ASIC2: variants seen among roughly 807,000 people sequenced by gnomAD.
ASIC2 encodes the protein acid-sensing ion channel 2.
In ASIC2, 25 loss-of-function variants were observed where a neutral mutation model predicts 57.3. The ratio of observed to expected loss-of-function variants is 0.44; its 90% CI spans 0.32 to 0.61. ASIC2 has a LOEUF of 0.61. Among genes scored for constraint, ASIC2 ranks in the 20% least tolerant of loss-of-function variants. ASIC2 has a pLI of 0.06. For missense variants in ASIC2, 641 were observed against 738.1 expected (o/e 0.87, Z 1.52); for synonymous variants, 319 against 307.5 (o/e 1.04, Z -0.39).
At chr17:33,148,954 C>A (rs368917481) in intron 1 of ASIC2, among the ~76,000 whole-genome samples, 296 of 152,082 alleles carry the variant, frequency 1.9e-3, no homozygotes, top group Non-Finnish European at 2.7e-3. Flanking sequence ...ATTAGCTGGG[C>A]ATGATGGCAG....
At chr17:33,367,853 A>G (rs1337019489) in intron 1 of ASIC2, among the ~76,000 whole-genome samples, 2 of 152,204 alleles carry the variant, frequency 1.3e-5, no homozygotes, top group African/African-American at 4.8e-5. Flanking sequence ...TTTTCTCTAA[A>G]GGAATATGCC....
chr17:33,779,357 GA>G (rs997839746), intron 1 of ASIC2, among the ~76,000 whole-genome samples: 2 of 149,462 alleles, frequency 1.3e-5, no homozygotes, highest in Admixed American at 6.6e-5. Flanking sequence ...CTCAACACAA[GA>G]AAAAAAAAAT....
At chr17:33,026,202 C>T (rs1427915569) in intron 4 of ASIC2, among the ~76,000 whole-genome samples, 1 of 152,188 alleles carries the variant, frequency 6.6e-6, no homozygotes, top group Non-Finnish European at 1.5e-5. Context: ...CTGTTCACCT[C>T]GTTGAGCAGG....
Position 33,357,311 on chromosome 17 carries a change from C to G in ASIC2, c.556-245244G>C, listed in dbSNP as rs191688295. ...GAGAGAAGAAGGACAGGTGTTATTC[C>G]TATTTTTCATATCAGGAAGCTGAAG... On this transcript the variant is annotated intron_variant, in intron 1 of 9. Coordinates refer to the ASIC2 transcript ENST00000359872. Among the ~76,000 whole-genome samples, 63 of 152,196 alleles carry G rather than the reference C, an allele frequency of 4.1e-4. 1 individual carries two copies. Among genetic ancestry groups the G allele is most frequent in the African/African-American group, 1.3e-3 (54 of 41,528 alleles).
At chr17:33,501,263 G>C (rs1914092965) in intron 1 of ASIC2, among the ~76,000 whole-genome samples, 1 of 152,232 alleles carries the variant, frequency 6.6e-6, no homozygotes, top group Admixed American at 6.5e-5. Context: ...GTCATCCACT[G>C]TGTCTCATTG....
chr17:33,877,601 A>G (rs1319715333), intron 1 of ASIC2, among the ~76,000 whole-genome samples: 2 of 152,332 alleles, frequency 1.3e-5, no homozygotes, highest in South Asian at 2.1e-4. Context: ...AGGTAAACAA[A>G]ACAGCCGGGA....
At chr17:33,838,252 A>G (rs775054129) in intron 1 of ASIC2, among the ~76,000 whole-genome samples, 4 of 152,198 alleles carry the variant, frequency 2.6e-5, no homozygotes, top group Non-Finnish European at 5.9e-5. Context: ...TTGAAATGAT[A>G]GGAAGTAGAA....
chr17:33,421,336 G>A (rs747742096), intron 1 of ASIC2, among the ~76,000 whole-genome samples: 12 of 152,162 alleles, frequency 7.9e-5, no homozygotes, highest in South Asian at 4.1e-4. Context: ...TGAAATATGG[G>A]AAAGAAAAAC....
chr17:33,378,175 C>T (rs1909348430), intron 1 of ASIC2, among the ~76,000 whole-genome samples: 1 of 152,234 alleles, frequency 6.6e-6, no homozygotes. Flanking sequence ...TTCCTTCTCA[C>T]TTTCTAAATT....
chr17:33,142,228 A>C (rs1047194746), intron 1 of ASIC2, among the ~76,000 whole-genome samples: 3 of 152,228 alleles, frequency 2.0e-5, no homozygotes, highest in Admixed American at 6.5e-5. Context: ...AAATAAAGTA[A>C]GGACTCAAAA....
chr17:33,810,870 C>A (rs963165684), intron 1 of ASIC2, among the ~76,000 whole-genome samples: 1 of 77,970 alleles, frequency 1.3e-5, no homozygotes, highest in African/African-American at 6.4e-5. Context: ...TATGCACACA[C>A]ACATACACAC....
At position 33,053,135 on chromosome 17, in the gene ASIC2, A is replaced by G. The variant is rs12452853; in HGVS notation, c.988-24743T>C. Reference sequence around the variant, plus strand: ...AGATTTAAGGGTTGATTGTCACAACAGTTAGCCTCCCCTGCCTAATACAGG... The same window carrying G: ...AGATTTAAGGGTTGATTGTCACAACGGTTAGCCTCCCCTGCCTAATACAGG... On this transcript the variant is annotated intron_variant, in intron 3 of 9. Transcript: ENST00000225823. 1.2e-3 allele frequency among the ~76,000 whole-genome samples: 176 copies of G among 152,342 alleles called. 2 individuals are homozygous for G. The highest frequency in any genetic ancestry group is 6.9e-3 in the Admixed American group (105 of 15,308).
intron 1 of ASIC2, among the ~76,000 whole-genome samples, chr17:33,945,131 G>T (rs1004274643): frequency 7.9e-5 from 12 of 152,176 alleles, no homozygotes; most frequent in Non-Finnish European, 1.6e-4. Context: ...TGGCTTGAAA[G>T]CTCAAGGTGC....
chr17:33,580,087 T>C (rs1904379983), intron 1 of ASIC2: 1 of 152,204 alleles, frequency 6.6e-6, no homozygotes, highest in Admixed American at 6.5e-5. Context: ...GAAGGCCAGC[T>C]GGCTTCACGT....
intron 1 of ASIC2, among the ~76,000 whole-genome samples, chr17:33,914,418 C>T (rs1048887026): frequency 1.3e-5 from 2 of 152,100 alleles, no homozygotes; most frequent in African/African-American, 4.8e-5. Flanking sequence ...CCCTTCAATT[C>T]GTGTGCAATA....
intron 1 of ASIC2, among the ~76,000 whole-genome samples, chr17:33,186,063 C>A (rs889816472): frequency 6.6e-6 from 1 of 151,994 alleles, no homozygotes; most frequent in Non-Finnish European, 1.5e-5. Context: ...TGAAATTTGC[C>A]GTTTGATATT....
upstream of ASIC2, among the ~76,000 whole-genome samples, chr17:33,294,611 A>G (rs1034655341): frequency 1.3e-5 from 2 of 152,122 alleles, no homozygotes; most frequent in African/African-American, 4.8e-5. Context: ...ACAAGCACAC[A>G]TATACACAAA....
chr17:33,986,231 A>T (rs1190748589), intron 1 of ASIC2, among the ~76,000 whole-genome samples: 2 of 151,510 alleles, frequency 1.3e-5, no homozygotes, highest in African/African-American at 2.4e-5. Context: ...CAGTATTATG[A>T]GTACCTGGAA....
chr17:33,653,828 T>C (rs1490613908), intron 1 of ASIC2, among the ~76,000 whole-genome samples: 1 of 152,192 alleles, frequency 6.6e-6, no homozygotes, highest in Non-Finnish European at 1.5e-5. Flanking sequence ...TAAATATTGT[T>C]ATTATTACTT....
Sources: gnomAD v4.1 joint callset for allele counts (sites outside exome capture counted in the v4.1 genomes callset) on GRCh38, gnomAD v4.1.1 for gene constraint, MANE v1.5 for transcripts, NCBI Gene and HGNC (gene_info 2026-07-23, HGNC 2026-07-21) for gene names.